Variants in NGF observed in about 807,000 individuals in gnomAD.
NGF encodes the protein nerve growth factor.
Under a neutral mutation model 12.8 loss-of-function variants are expected in NGF, and 4 were observed. The ratio of observed to expected loss-of-function variants is 0.31; its 90% CI spans 0.15 to 0.72. The LOEUF is 0.72. Ranked by LOEUF, NGF falls within the 30% of genes least tolerant of loss-of-function variation. NGF has a pLI of 0.69. For missense variants in NGF, 283 were observed against 330.8 expected (o/e 0.86, Z 1.12); for synonymous variants, 140 against 130.0 (o/e 1.08, Z -0.52).
chr1:115,326,456 G>A (rs1363445699), intron 1 of NGF, among the ~76,000 whole-genome samples: 1 of 152,158 alleles, frequency 6.6e-6, no homozygotes, highest in African/African-American at 2.4e-5. Flanking sequence ...TATAGCCGAA[G>A]AAACTGAAAA....
At chr1:115,330,494 C>T (rs1201799203) in intron 1 of NGF, among the ~76,000 whole-genome samples, 1 of 152,204 alleles carries the variant, frequency 6.6e-6, no homozygotes, top group Non-Finnish European at 1.5e-5. Flanking sequence ...TCAATCCACC[C>T]TCCAGAGTAG....
chr1:115,314,807 T>G (rs1377758413), intron 1 of NGF, among the ~76,000 whole-genome samples: 1 of 152,148 alleles, frequency 6.6e-6, no homozygotes, highest in Non-Finnish European at 1.5e-5. Flanking sequence ...GAGCTTAAAT[T>G]CTCGTGGAGG....
chr1:115,325,360 A>AT (rs1260242457), intron 1 of NGF, among the ~76,000 whole-genome samples: 3 of 152,026 alleles, frequency 2.0e-5, no homozygotes, highest in Non-Finnish European at 4.4e-5. Flanking sequence ...GGGTCAGATG[A>AT]TTTTTTTGTT....
intron 1 of NGF, among the ~76,000 whole-genome samples, chr1:115,309,702 A>C (rs1442600351): frequency 1.3e-5 from 2 of 152,188 alleles, no homozygotes; most frequent in Non-Finnish European, 2.9e-5. Flanking sequence ...AATGTGGCAC[A>C]TATACACCAT....
At chr1:115,330,845 G>A (rs1654902157) in intron 1 of NGF, among the ~76,000 whole-genome samples, 1 of 152,108 alleles carries the variant, frequency 6.6e-6, no homozygotes. Context: ...TATTTGCCGT[G>A]CGTGTCTATA....
chr1:115,286,178 G>T lies in NGF; in HGVS notation c.618C>A (p.Thr206=). The T allele has an allele frequency of 6.2e-7, 1 of 1,614,076 alleles. No homozygotes were observed. The highest frequency in any genetic ancestry group is 8.5e-7 in the Non-Finnish European group (1 of 1,180,000). The stretch of plus-strand genomic sequence containing the variant: ...CATCCATGGTCAGCGCCTTGACAAA[G>T]GTGTGAGTCGTGGTACAATATGAGT... The part of the protein sequence containing the change: ...HWNSYCTTTH[T]FVKALTMDGK... The change falls in exon 3 of 3, where the codon ACC becomes ACA. Residue 206 remains threonine, a synonymous_variant. Coordinates refer to ENST00000369512, the MANE Select transcript of NGF (RefSeq NM_002506.3).
chr1:115,321,576 ATGTGTGTGTGTGTG>A (rs59590858), intron 1 of NGF, among the ~76,000 whole-genome samples: 1,872 of 133,262 alleles, frequency 0.014, 21 homozygotes, highest in South Asian at 0.033. Context: ...TGTGTATGGG[ATGTGTGTGTGTGTG>A]TGTGTGTGTG....
At chr1:115,296,830 AT>A (rs1653885796) in intron 1 of NGF, among the ~76,000 whole-genome samples, 2 of 152,246 alleles carry the variant, frequency 1.3e-5, no homozygotes, top group African/African-American at 4.8e-5. Flanking sequence ...AATATTACAA[AT>A]TTCTAATGCA....
chr1:115,337,820 C>T (rs942550773), intron 1 of NGF, among the ~76,000 whole-genome samples: 3 of 152,034 alleles, frequency 2.0e-5, no homozygotes, highest in African/African-American at 7.2e-5. Flanking sequence ...CGCCAGCTGC[C>T]GGCGCATCCC....
At position 115,336,852 on chromosome 1, in the gene NGF, T is replaced by C. The variant is rs535259699; in HGVS notation, c.-137+1352A>G. ...CACTGTCATTTCTGCATTTGCAGAG[T>C]GCAGCTGGCTGTGCATGGATTGGGG... On this transcript the variant is annotated intron_variant, in intron 1 of 2. Transcript: ENST00000369512. Among the ~76,000 whole-genome samples, 6 of 152,278 alleles carry C rather than the reference T, an allele frequency of 3.9e-5. No individual in the cohort carries two copies. The East Asian group carries it at 7.7e-4, about 20-fold the overall frequency.
At chr1:115,329,744 CT>C (rs1039991768) in intron 1 of NGF, among the ~76,000 whole-genome samples, 24,285 of 104,088 alleles carry the variant, frequency 0.23, 1,647 homozygotes, top group East Asian at 0.47. Flanking sequence ...TTCTTTCTTT[CT>C]TTTTTTTTTT....
At chr1:115,326,161 A>C (rs1469005454) in intron 1 of NGF, among the ~76,000 whole-genome samples, 1 of 152,118 alleles carries the variant, frequency 6.6e-6, no homozygotes, top group Non-Finnish European at 1.5e-5. Context: ...TTCAGAGAAT[A>C]AGGAGAAGCC....
At chr1:115,303,470 T>A (rs1358951132) in intron 1 of NGF, among the ~76,000 whole-genome samples, 1 of 151,432 alleles carries the variant, frequency 6.6e-6, no homozygotes, top group Non-Finnish European at 1.5e-5. Flanking sequence ...ACTTTCTCCA[T>A]CACCATCATC....
intron 1 of NGF, among the ~76,000 whole-genome samples, chr1:115,322,993 A>C (rs1043167914): frequency 2.6e-5 from 4 of 152,208 alleles, no homozygotes; most frequent in African/African-American, 9.7e-5. Flanking sequence ...ACACAGTGCT[A>C]AGTGTTACAT....
chr1:115,299,106 T>C (rs1367685860), intron 1 of NGF, among the ~76,000 whole-genome samples: 2 of 152,240 alleles, frequency 1.3e-5, no homozygotes, highest in Non-Finnish European at 2.9e-5. Flanking sequence ...TCAAGATGAT[T>C]TGATGTGTTT....
chr1:115,286,937 G>T, intron 2 of NGF, 130 bp from the exon 3 acceptor site: 1 of 1,135,102 alleles, frequency 8.8e-7, no homozygotes, highest in Non-Finnish European at 1.3e-6. Flanking sequence ...GGGCACTTCT[G>T]AGAGGGAAAG....
chr1:115,331,194 T>C (rs971660307), intron 1 of NGF, among the ~76,000 whole-genome samples: 2 of 152,178 alleles, frequency 1.3e-5, no homozygotes, highest in African/African-American at 4.8e-5. Context: ...CCCTTCACAA[T>C]TGCCCTCAAA....
At chr1:115,319,764 G>A (rs1029058725) in intron 1 of NGF, among the ~76,000 whole-genome samples, 3 of 152,110 alleles carry the variant, frequency 2.0e-5, no homozygotes, top group African/African-American at 7.2e-5. Context: ...TCGTTCTTGT[G>A]CCCCCAGTGG....
At chr1:115,300,517 A>G (rs765102016) in intron 1 of NGF, among the ~76,000 whole-genome samples, 1 of 152,252 alleles carries the variant, frequency 6.6e-6, no homozygotes, top group Non-Finnish European at 1.5e-5. Flanking sequence ...ACAAGCAGTC[A>G]GCACCAAACA....
Sources: gnomAD v4.1 joint callset for allele counts (sites outside exome capture counted in the v4.1 genomes callset) on GRCh38, gnomAD v4.1.1 for gene constraint, MANE v1.5 for transcripts, NCBI Gene and HGNC (gene_info 2026-07-23, HGNC 2026-07-21) for gene names.